TRABD2B: variants seen among roughly 807,000 people sequenced by gnomAD.
The protein encoded by TRABD2B is TraB domain containing 2B, also known as metalloprotease TIKI2.
A neutral mutation model predicts 40.1 loss-of-function variants in TRABD2B; 14 were observed. The observed-to-expected ratio is 0.35, with a 90% confidence interval of 0.23 to 0.55. The LOEUF (loss-of-function observed/expected upper bound fraction) is 0.55. Among genes scored for constraint, TRABD2B ranks in the 20% least tolerant of loss-of-function variants. The probability of loss-of-function intolerance (pLI) is 0.90; values close to 1 mark genes in which losing one functional copy is unlikely to be tolerated. For missense variants in TRABD2B, 541 were observed against 648.6 expected (o/e 0.83, Z 1.80); for synonymous variants, 263 against 277.0 (o/e 0.95, Z 0.50).
chr1:47,977,025 T>C (rs566598226), intron 2 of TRABD2B, among the ~76,000 whole-genome samples: 11 of 152,122 alleles, frequency 7.2e-5, no homozygotes, highest in African/African-American at 2.4e-4. Context: ...TATGTATATG[T>C]GTGGATGGTG....
chr1:47,859,176 T>C (rs1643930176), intron 2 of TRABD2B, among the ~76,000 whole-genome samples: 1 of 152,226 alleles, frequency 6.6e-6, no homozygotes, highest in South Asian at 2.1e-4. Flanking sequence ...TCCAGCAGAC[T>C]GAAGCTTTGC....
intron 2 of TRABD2B, among the ~76,000 whole-genome samples, chr1:47,890,401 G>A (rs1644428994): frequency 6.6e-6 from 1 of 152,182 alleles, no homozygotes; most frequent in African/African-American, 2.4e-5. Context: ...ATAGGCTGGT[G>A]GCAGAAGAGG....
intron 2 of TRABD2B, among the ~76,000 whole-genome samples, chr1:47,854,636 C>T (rs1165343222): frequency 6.6e-6 from 1 of 152,128 alleles, no homozygotes; most frequent in Non-Finnish European, 1.5e-5. Flanking sequence ...GCTTTAGACC[C>T]TGCTAGGGAA....
chr1:47,945,782 C>A (rs536982691), intron 2 of TRABD2B, among the ~76,000 whole-genome samples: 3 of 152,160 alleles, frequency 2.0e-5, no homozygotes, highest in Non-Finnish European at 4.4e-5. Flanking sequence ...TTTGGATACA[C>A]CACAGTGTGT....
chr1:47,830,845 A>G (rs942688733), intron 2 of TRABD2B, among the ~76,000 whole-genome samples: 7 of 152,208 alleles, frequency 4.6e-5, no homozygotes, highest in African/African-American at 1.4e-4. Context: ...TGGGTTATGA[A>G]GCAAATCTCT....
At chr1:47,982,037 G>A (rs935122750) in intron 2 of TRABD2B, among the ~76,000 whole-genome samples, 1 of 152,192 alleles carries the variant, frequency 6.6e-6, no homozygotes, top group Non-Finnish European at 1.5e-5. Context: ...ACTCCAGAGA[G>A]TAGTGGGAGA....
chr1:47,860,889 C>G (rs977798338), intron 2 of TRABD2B, among the ~76,000 whole-genome samples: 1 of 152,204 alleles, frequency 6.6e-6, no homozygotes, highest in African/African-American at 2.4e-5. Context: ...GAAGCCAGCA[C>G]CATGTCCTTC....
At chr1:47,777,426 G>T (rs957398639) in intron 5 of TRABD2B, among the ~76,000 whole-genome samples, 25 of 152,192 alleles carry the variant, frequency 1.6e-4, no homozygotes, top group African/African-American at 6.0e-4. Flanking sequence ...CAATGTGAGG[G>T]TTTATCGAGA....
chr1:47,787,037 T>C (rs148712874), intron 4 of TRABD2B, among the ~76,000 whole-genome samples: 1 of 152,252 alleles, frequency 6.6e-6, no homozygotes, highest in African/African-American at 2.4e-5. Context: ...AAAGGCCCTA[T>C]ATGGACGATG....
chr1:47,815,695 AG>A (rs1472326769), intron 2 of TRABD2B, among the ~76,000 whole-genome samples: 5 of 152,156 alleles, frequency 3.3e-5, no homozygotes, highest in Admixed American at 3.3e-4. Flanking sequence ...TGCAGGCCAG[AG>A]CTTCTTTCAA....
intron 4 of TRABD2B, among the ~76,000 whole-genome samples, chr1:47,788,848 CCT>C (rs945197087): frequency 2.9e-4 from 44 of 152,276 alleles, no homozygotes; most frequent in Admixed American, 2.5e-3. Context: ...CTGGTCCACC[CCT>C]GAGTCCGGCT....
intron 2 of TRABD2B, among the ~76,000 whole-genome samples, chr1:47,970,180 T>C (rs908104828): frequency 6.6e-6 from 1 of 152,066 alleles, no homozygotes; most frequent in African/African-American, 2.4e-5. Context: ...GTTACACATA[T>C]ATTCATTCAA....
intron 2 of TRABD2B, among the ~76,000 whole-genome samples, chr1:47,830,344 A>G (rs1216592738): frequency 6.6e-6 from 1 of 152,250 alleles, no homozygotes; most frequent in East Asian, 1.9e-4. Flanking sequence ...GACAGTAAGG[A>G]CAGAGAGATC....
At chr1:47,927,425 G>T (rs750531959) in intron 2 of TRABD2B, among the ~76,000 whole-genome samples, 3 of 152,244 alleles carry the variant, frequency 2.0e-5, no homozygotes, top group Non-Finnish European at 2.9e-5. Context: ...CCAGTGCCAA[G>T]CACTACGGAG....
In TRABD2B at chr1:47,775,184, G is replaced by A. The variant is rs1569891943; in HGVS notation, c.1335C>T (p.Val445=). The A allele has an allele frequency of 2.4e-6, 3 of 1,236,742 alleles. No individual in the cohort carries two copies. 76.6% of individuals were successfully genotyped at this position (1,236,742 alleles called of 1,614,324 possible). Reference sequence around the variant, plus strand: ...CCCTGGCTCACCTGTCCTCGATGCGGACCCAGAGGTCATTGAACTGCCGCG... The same window carrying A: ...CCCTGGCTCACCTGTCCTCGATGCGAACCCAGAGGTCATTGAACTGCCGCG... ...QRPRQFNDLW[V]RIEDSTTASP... The change falls in exon 6 of 7, where the codon GTC becomes GTT. Residue 445 remains valine, a synonymous_variant. Transcript: ENST00000606738.
chr1:47,860,164 G>A (rs1352998736), intron 2 of TRABD2B, among the ~76,000 whole-genome samples: 2 of 152,138 alleles, frequency 1.3e-5, no homozygotes, highest in African/African-American at 4.8e-5. Flanking sequence ...GATCTAAACC[G>A]ACTCAAATCA....
At chr1:47,861,924 T>A (rs1643979355) in intron 2 of TRABD2B, among the ~76,000 whole-genome samples, 1 of 152,194 alleles carries the variant, frequency 6.6e-6, no homozygotes, top group Non-Finnish European at 1.5e-5. Flanking sequence ...CACAACCAAG[T>A]GGGATTTATC....
rs191884035 is a variant in TRABD2B, at chr1:47,983,038, G to A, written c.666+10996C>T. Among the ~76,000 whole-genome samples the A allele has an allele frequency of 4.3e-3, 655 of 152,270 alleles. 1 individual carries two copies. Among genetic ancestry groups the A allele is most frequent in the South Asian group, 0.011 (53 of 4,814 alleles). On this transcript the variant is annotated intron_variant, in intron 2 of 6. Coordinates refer to ENST00000606738, the MANE Select transcript of TRABD2B (RefSeq NM_001194986.2). ...ACCATAGAGACACAGGTTTGCTAAT[G>A]TTCACTGCAGCACTATTCACAATAG...
At chr1:47,812,822 C>T (rs1644983232) in intron 2 of TRABD2B, among the ~76,000 whole-genome samples, 1 of 152,172 alleles carries the variant, frequency 6.6e-6, no homozygotes, top group Non-Finnish European at 1.5e-5. Context: ...GGCTGGAAGA[C>T]ATTCAGTAGT....
Sources: allele counts gnomAD v4.1 joint callset (sites outside exome capture counted in the v4.1 genomes callset), GRCh38; gene constraint gnomAD v4.1.1; transcripts MANE v1.5; gene names NCBI Gene and HGNC (gene_info 2026-07-23, HGNC 2026-07-21).